SNX24: variants seen among roughly 807,000 people sequenced by gnomAD.
SNX24 encodes sorting nexin-24.
In SNX24, 22 loss-of-function variants were observed where a neutral mutation model predicts 28.7. The ratio of observed to expected loss-of-function variants is 0.77; its 90% confidence interval spans 0.55 to 1.10. The LOEUF (loss-of-function observed/expected upper bound fraction) is 1.10. Among genes scored for constraint, SNX24 ranks in the 50% least tolerant of loss-of-function variants. SNX24 has a pLI of 0.00. For missense variants in SNX24, 221 were observed against 201.1 expected (o/e 1.10, Z -0.60); for synonymous variants, 69 against 71.5 (o/e 0.96, Z 0.18).
intron 1 of SNX24, among the ~76,000 whole-genome samples, chr5:122,897,033 C>T (rs558189915): frequency 1.8e-4 from 27 of 152,332 alleles, no homozygotes; most frequent in African/African-American, 5.5e-4. Flanking sequence ...GAGCTTTCCT[C>T]TTGCTTCTTT....
intron 1 of SNX24, among the ~76,000 whole-genome samples, chr5:122,922,487 A>G (rs1160706197): frequency 6.6e-6 from 1 of 152,066 alleles, no homozygotes; most frequent in East Asian, 1.9e-4. Context: ...TCCTGACATC[A>G]GGTGATCCAC....
At chr5:122,863,805 T>C (rs1755594084) in intron 1 of SNX24, among the ~76,000 whole-genome samples, 1 of 152,224 alleles carries the variant, frequency 6.6e-6, no homozygotes, top group Non-Finnish European at 1.5e-5. Flanking sequence ...TCATCCCACC[T>C]TGGCCTCCCA....
chr5:122,975,136 C>T (rs1188880735), intron 3 of SNX24, among the ~76,000 whole-genome samples: 2 of 152,126 alleles, frequency 1.3e-5, no homozygotes, highest in Non-Finnish European at 2.9e-5. Flanking sequence ...TTTAGTTGAC[C>T]ATTACCCCAT....
chr5:123,009,244 A>G (rs1762511503), downstream of SNX24: 10 of 984,112 alleles, frequency 1.0e-5, no homozygotes, highest in South Asian at 3.8e-4. Context: ...CACTGGAAAC[A>G]TGGTTTGTAT....
At chr5:122,846,790 C>A (rs537822441) in intron 1 of SNX24, among the ~76,000 whole-genome samples, 2 of 152,226 alleles carry the variant, frequency 1.3e-5, no homozygotes, top group South Asian at 4.1e-4. Flanking sequence ...TGTTCTGAAA[C>A]AAGTTGTTAA....
chr5:122,909,589 C>CA (rs112429228), intron 1 of SNX24, among the ~76,000 whole-genome samples: 4,292 of 152,268 alleles, frequency 0.028, 176 homozygotes, highest in African/African-American at 0.084. Flanking sequence ...TTAACCTGGC[C>CA]TGCCGTGAAG....
At chr5:122,987,140 T>G (rs1761637452) in intron 3 of SNX24, among the ~76,000 whole-genome samples, 1 of 151,852 alleles carries the variant, frequency 6.6e-6, no homozygotes, top group East Asian at 1.9e-4. Flanking sequence ...GTGTGAAGCG[T>G]GGTTATCAGC....
At chr5:123,005,957 G>T (rs902852781) in intron 6 of SNX24, among the ~76,000 whole-genome samples, 2 of 152,140 alleles carry the variant, frequency 1.3e-5, no homozygotes. Flanking sequence ...ATGTATTAGA[G>T]ATTTTCTAAG....
At chr5:122,925,592 C>T (rs1161404588) in intron 1 of SNX24, among the ~76,000 whole-genome samples, 1 of 151,944 alleles carries the variant, frequency 6.6e-6, no homozygotes, top group African/African-American at 2.4e-5. Context: ...GCTTTTGGGC[C>T]CTCATGAACA....
At chr5:123,000,457 A>C (rs1278377054) in intron 4 of SNX24, among the ~76,000 whole-genome samples, 1 of 152,214 alleles carries the variant, frequency 6.6e-6, no homozygotes, top group African/African-American at 2.4e-5. Context: ...AGACACAGGA[A>C]TTTAATGACT....
At chr5:122,864,138 T>C (rs1416266835) in intron 1 of SNX24, among the ~76,000 whole-genome samples, 4 of 133,224 alleles carry the variant, frequency 3.0e-5, no homozygotes, top group South Asian at 2.7e-4. Context: ...GAATAAACTA[T>C]AAGGAAGAGT....
Position 123,007,939 on chromosome 5 carries a change from C to T in SNX24, c.*190C>T, listed in dbSNP as rs567630131. 2.5e-5 allele frequency: 34 copies of T among 1,372,258 alleles called. No homozygotes were observed. Among genetic ancestry groups the T allele is most frequent in the Admixed American group, 1.2e-4 (4 of 33,334 alleles). The allele number at this position is 1,372,258 out of a possible 1,614,324, so 85.0% of individuals were successfully genotyped here. On this transcript the variant is annotated 3_prime_UTR_variant, in exon 7 of 7. Transcript: ENST00000261369. Reference sequence around the variant, plus strand: ...GTGCTCTTAAAAATAGAAACTGAACCGGGGCGGTGGTCAGGCTAAGGCCAA... The same window carrying T: ...GTGCTCTTAAAAATAGAAACTGAACTGGGGCGGTGGTCAGGCTAAGGCCAA...
intron 2 of SNX24, among the ~76,000 whole-genome samples, chr5:122,939,701 C>A (rs1267107344): frequency 6.6e-6 from 1 of 152,124 alleles, no homozygotes; most frequent in Non-Finnish European, 1.5e-5. Context: ...TATCTAAGGG[C>A]AAATTGCTGG....
chr5:122,890,196 C>T (rs78584158), intron 1 of SNX24, among the ~76,000 whole-genome samples: 5,361 of 152,058 alleles, frequency 0.035, 144 homozygotes, highest in East Asian at 0.1. Context: ...TATCTGTCTG[C>T]CCCCGACTAA....
intron 1 of SNX24, among the ~76,000 whole-genome samples, chr5:122,886,132 G>A (rs1024599450): frequency 5.3e-5 from 8 of 152,194 alleles, no homozygotes; most frequent in African/African-American, 1.9e-4. Context: ...GTGAGGGGGA[G>A]TGCAAGGAGA....
intron 1 of SNX24, among the ~76,000 whole-genome samples, chr5:122,884,571 A>C (rs139926925): frequency 2.6e-5 from 4 of 152,246 alleles, no homozygotes; most frequent in Admixed American, 6.5e-5. Context: ...TCACATAAAA[A>C]AAAATGTATT....
chr5:122,942,154 C>G (rs1759478548), intron 2 of SNX24, among the ~76,000 whole-genome samples: 1 of 152,210 alleles, frequency 6.6e-6, no homozygotes, highest in Admixed American at 6.5e-5. Flanking sequence ...ATTTTCATGC[C>G]TTCCCAGCTG....
At chr5:122,860,096 T>C (rs920908541) in intron 1 of SNX24, among the ~76,000 whole-genome samples, 6 of 152,200 alleles carry the variant, frequency 3.9e-5, no homozygotes, top group Non-Finnish European at 8.8e-5. Flanking sequence ...GCTGTGTTAA[T>C]ACAGATTCTT....
At chr5:122,938,075 C>T (rs1759254091) in intron 2 of SNX24, among the ~76,000 whole-genome samples, 1 of 152,096 alleles carries the variant, frequency 6.6e-6, no homozygotes, top group Admixed American at 6.5e-5. Flanking sequence ...CAAGTCAACA[C>T]CTAGGACTCC....
Sources: allele counts gnomAD v4.1 joint callset (sites outside exome capture counted in the v4.1 genomes callset), GRCh38; gene constraint gnomAD v4.1.1; transcripts MANE v1.5; gene names NCBI Gene and HGNC (gene_info 2026-07-23, HGNC 2026-07-21).